Variants in ASIC2 observed in about 807,000 individuals in gnomAD.
ASIC2 encodes acid sensing ion channel subunit 2.
A neutral mutation model predicts 57.3 loss-of-function variants in ASIC2; 25 were observed. The observed-to-expected ratio is 0.44, with a 90% CI of 0.32 to 0.61. The LOEUF is 0.61. ASIC2 is among the 20% of genes least tolerant of loss of function. ASIC2 has a pLI of 0.06. For synonymous variants in ASIC2, 319 were observed against 307.5 expected (o/e 1.04, Z -0.39); for missense variants, 641 against 738.1 (o/e 0.87, Z 1.52).
intron 1 of ASIC2, among the ~76,000 whole-genome samples, chr17:33,130,404 A>G (rs1171975950): frequency 6.6e-6 from 1 of 152,198 alleles, no homozygotes; most frequent in Non-Finnish European, 1.5e-5. Context: ...CAAGGGGTTC[A>G]TTAAACTATT....
At chr17:33,660,924 C>T (rs990407292) in intron 1 of ASIC2, among the ~76,000 whole-genome samples, 8 of 152,212 alleles carry the variant, frequency 5.3e-5, no homozygotes, top group African/African-American at 1.9e-4. Context: ...GCACCAAGCC[C>T]ACCCCACCTT....
At position 34,101,453 on chromosome 17, in the gene ASIC2, G is replaced by A. The variant is rs560726063; in HGVS notation, c.555+54525C>T. ...GCTTACCTGAAGGTAACAAACACAC[G>A]GCTCAACTCTCAACGTCAAGTGAGT... On this transcript the variant is annotated intron_variant, in intron 1 of 9. Transcript: ENST00000359872. Among the ~76,000 whole-genome samples, 163 of 152,288 alleles carry A rather than the reference G, an allele frequency of 1.1e-3. 2 individuals carry two copies. Among genetic ancestry groups the A allele is most frequent in the African/African-American group, 3.5e-3 (145 of 41,544 alleles).
intron 1 of ASIC2, among the ~76,000 whole-genome samples, chr17:34,111,967 G>A (rs1377881502): frequency 1.3e-5 from 2 of 152,032 alleles, no homozygotes; most frequent in Admixed American, 1.3e-4. Flanking sequence ...TCTATATAAT[G>A]ATTATAACTA....
At chr17:33,185,920 G>A (rs1320957301) in intron 1 of ASIC2, among the ~76,000 whole-genome samples, 3 of 152,172 alleles carry the variant, frequency 2.0e-5, no homozygotes, top group Non-Finnish European at 4.4e-5. Flanking sequence ...ATAGGCAAGG[G>A]CTGTCCTGGC....
intron 1 of ASIC2, among the ~76,000 whole-genome samples, chr17:33,147,306 A>T (rs1034080575): frequency 6.6e-6 from 1 of 152,252 alleles, no homozygotes; most frequent in Non-Finnish European, 1.5e-5. Context: ...AGCTAGTAAC[A>T]GTATGTGCAT....
chr17:33,816,088 T>G (rs1327433444), intron 1 of ASIC2, among the ~76,000 whole-genome samples: 1 of 136,536 alleles, frequency 7.3e-6, no homozygotes, highest in African/African-American at 2.8e-5. Flanking sequence ...GGAGAGGCTC[T>G]TACACAGATG....
At chr17:33,723,105 C>A (rs192704203) in intron 1 of ASIC2, among the ~76,000 whole-genome samples, 1 of 152,028 alleles carries the variant, frequency 6.6e-6, no homozygotes, top group Admixed American at 6.6e-5. Context: ...TAGCCCAAAG[C>A]TGAATACTGA....
intron 1 of ASIC2, among the ~76,000 whole-genome samples, chr17:33,554,972 C>T (rs1299951916): frequency 6.6e-6 from 1 of 152,114 alleles, no homozygotes; most frequent in Non-Finnish European, 1.5e-5. Flanking sequence ...TATCCCAGTA[C>T]TCTCAATGAC....
intron 1 of ASIC2, among the ~76,000 whole-genome samples, chr17:33,508,418 T>C (rs1914328218): frequency 6.6e-6 from 1 of 152,150 alleles, no homozygotes; most frequent in African/African-American, 2.4e-5. Flanking sequence ...GACAGCGTTA[T>C]CTCGGGCTAC....
At chr17:33,355,575 C>A (rs1908344961) in intron 1 of ASIC2, among the ~76,000 whole-genome samples, 1 of 152,100 alleles carries the variant, frequency 6.6e-6, no homozygotes, top group South Asian at 2.1e-4. Context: ...AAATGCACAG[C>A]TTTTAAGATT....
At chr17:33,473,246 G>A (rs1055321029) in intron 1 of ASIC2, among the ~76,000 whole-genome samples, 1 of 152,248 alleles carries the variant, frequency 6.6e-6, no homozygotes, top group African/African-American at 2.4e-5. Context: ...CCTTCTCCAG[G>A]CGAGAATGCT....
chr17:33,335,121 A>G (rs1293203839), intron 1 of ASIC2, among the ~76,000 whole-genome samples: 1 of 152,192 alleles, frequency 6.6e-6, no homozygotes, highest in Non-Finnish European at 1.5e-5. Flanking sequence ...GTGAGAATGC[A>G]GCAATGGGAA....
Position 33,450,659 on chromosome 17 carries a change from T to C in ASIC2, c.556-338592A>G, listed in dbSNP as rs546272547. 1.9e-3 allele frequency among the ~76,000 whole-genome samples: 295 copies of C among 152,350 alleles called. 2 individuals are homozygous for C. Among genetic ancestry groups the C allele is most frequent in the African/African-American group, 6.8e-3 (282 of 41,576 alleles). ...ATTAGTTGAGATAGTAAATTTTATG[T>C]CATATATTTTGTTACAATAAAACCT... On this transcript the variant is annotated intron_variant, in intron 1 of 9. Transcript: ENST00000359872.
intron 1 of ASIC2, among the ~76,000 whole-genome samples, chr17:33,948,711 T>C (rs112401193): frequency 3.4e-4 from 52 of 152,344 alleles, no homozygotes; most frequent in African/African-American, 1.1e-3. Flanking sequence ...TCTTGGATCC[T>C]CAGTTTGAGC....
At chr17:33,978,087 T>C (rs1357813664) in intron 1 of ASIC2, among the ~76,000 whole-genome samples, 1 of 152,230 alleles carries the variant, frequency 6.6e-6, no homozygotes, top group Non-Finnish European at 1.5e-5. Flanking sequence ...AATTCATAGC[T>C]GAGACCACGC....
In ASIC2 at chr17:33,493,458, G is replaced by A. The variant is rs114278535; in HGVS notation, c.556-381391C>T. ...TCTCAACCAGGAAACAGATTTGACC[G>A]TGGGTACTTTTTGACCCTCTGTAGC... is the stretch of plus-strand genomic sequence containing the variant. On this transcript the variant is annotated intron_variant, in intron 1 of 9. Coordinates refer to the ASIC2 transcript ENST00000359872. Among the ~76,000 whole-genome samples the A allele has an allele frequency of 1.4e-4, 22 of 152,268 alleles. No homozygotes were observed. In the East Asian group the frequency reaches 1.9e-3, roughly 13 times the overall value.
At chr17:33,243,122 G>A (rs1908570936) in intron 1 of ASIC2, among the ~76,000 whole-genome samples, 1 of 152,210 alleles carries the variant, frequency 6.6e-6, no homozygotes, top group Admixed American at 6.5e-5. Context: ...CAGGAAACCA[G>A]CAGCTGATGA....
Position 33,221,012 on chromosome 17 carries a change from C to T in ASIC2, c.708+70396G>A, listed in dbSNP as rs906835511. ...ACTTGAGCCCAGGAGGAAAAGTTTG[C>T]AGTGAGCTGACTTACACCATTGCAC... is the stretch of plus-strand genomic sequence containing the variant. On this transcript the variant is annotated intron_variant, in intron 1 of 9. Coordinates refer to ENST00000225823, the MANE Select transcript of ASIC2 (RefSeq NM_183377.2). Among the ~76,000 whole-genome samples the T allele has an allele frequency of 5.3e-5, 8 of 152,108 alleles. No individual in the cohort carries two copies. In the South Asian group the frequency reaches 1.0e-3, roughly 20 times the overall value.
chr17:33,172,915 G>A (rs543156219), intron 1 of ASIC2, among the ~76,000 whole-genome samples: 4 of 152,312 alleles, frequency 2.6e-5, no homozygotes, highest in Non-Finnish European at 5.9e-5. Context: ...AGGAATGTCA[G>A]CTTTGGAGAG....
Sources: gnomAD v4.1 joint callset for allele counts (sites outside exome capture counted in the v4.1 genomes callset) on GRCh38, gnomAD v4.1.1 for gene constraint, MANE v1.5 for transcripts, NCBI Gene and HGNC (gene_info 2026-07-23, HGNC 2026-07-21) for gene names.